Variants in ADGRB3 observed in about 807,000 individuals in gnomAD.
The protein encoded by ADGRB3 is adhesion G protein-coupled receptor B3.
In ADGRB3, 37 loss-of-function variants were observed where a neutral mutation model predicts 193.4. The observed-to-expected ratio is 0.19, with a 90% CI of 0.15 to 0.25. The LOEUF is 0.25. Among genes scored for constraint, ADGRB3 ranks in the 10% least tolerant of loss-of-function variants. The pLI is 1.00. For synonymous variants in ADGRB3, 690 were observed against 644.2 expected (o/e 1.07, Z -1.08); for missense variants, 1,637 against 1,852.9 (o/e 0.88, Z 2.14).
intron 3 of ADGRB3, among the ~76,000 whole-genome samples, chr6:68,862,517 A>G (rs1264748636): frequency 6.6e-6 from 1 of 152,202 alleles, no homozygotes; most frequent in Non-Finnish European, 1.5e-5. Flanking sequence ...TTTGTGAAGA[A>G]GGTACTATAT....
chr6:68,975,165 T>G, intron 9 of ADGRB3, 69 bp from the exon 10 acceptor site: 1 of 1,266,276 alleles, frequency 7.9e-7, no homozygotes, highest in Non-Finnish European at 1.1e-6. Flanking sequence ...TTAGCCTGAT[T>G]CCCAGCTAAG....
At chr6:69,061,096 G>C (rs1019761283) in intron 15 of ADGRB3, among the ~76,000 whole-genome samples, 6 of 150,568 alleles carry the variant, frequency 4.0e-5, no homozygotes, top group Non-Finnish European at 7.4e-5. Context: ...CTGTTAACCA[G>C]CTCTCTCTGT....
At chr6:68,918,425 A>G (rs1160508432) in intron 3 of ADGRB3, among the ~76,000 whole-genome samples, 1 of 152,194 alleles carries the variant, frequency 6.6e-6, no homozygotes. Flanking sequence ...AAAATACAAA[A>G]TCACTGGAAG....
intron 28 of ADGRB3, 130 bp from the exon 29 acceptor site, chr6:69,360,739 T>A: frequency 4.2e-6 from 4 of 952,680 alleles, no homozygotes; most frequent in African/African-American, 1.7e-5. Context: ...TGATATGTAT[T>A]TTTTTTAAAT....
chr6:69,150,547 T>G (rs765403454), intron 17 of ADGRB3, among the ~76,000 whole-genome samples: 12 of 152,136 alleles, frequency 7.9e-5, no homozygotes, highest in Non-Finnish European at 1.8e-4. Flanking sequence ...TAAATTCCAT[T>G]CAAGAGCCAA....
At chr6:68,654,765 T>C (rs923724332) in intron 3 of ADGRB3, among the ~76,000 whole-genome samples, 7 of 151,944 alleles carry the variant, frequency 4.6e-5, no homozygotes, top group Non-Finnish European at 1.0e-4. Flanking sequence ...GGGTGATTTA[T>C]GAGATCATAG....
At chr6:68,830,277 A>G (rs190691502) in intron 3 of ADGRB3, among the ~76,000 whole-genome samples, 103 of 152,300 alleles carry the variant, frequency 6.8e-4, no homozygotes, top group African/African-American at 2.4e-3. Flanking sequence ...AAAATGCTAG[A>G]TCAAGGGGAA....
intron 3 of ADGRB3, among the ~76,000 whole-genome samples, chr6:68,714,616 A>C (rs1040594938): frequency 6.6e-6 from 1 of 151,866 alleles, no homozygotes; most frequent in Non-Finnish European, 1.5e-5. Flanking sequence ...AAAGGGAAAA[A>C]TACTGAAGGG....
At chr6:69,041,623 AT>A (rs10638407) in intron 13 of ADGRB3, among the ~76,000 whole-genome samples, 15 of 150,928 alleles carry the variant, frequency 9.9e-5, no homozygotes, top group African/African-American at 2.9e-4. Flanking sequence ...GCTCGTAGGA[AT>A]TTTTTTTTTG....
chr6:68,897,598 AGGGCAGG>A, intron 3 of ADGRB3, among the ~76,000 whole-genome samples: 1 of 88,542 alleles, frequency 1.1e-5, no homozygotes, highest in Non-Finnish European at 2.2e-5. Context: ...GGGATAGGGG[AGGGCAGG>A]AAGAGGAAGG....
At chr6:69,356,732 A>G (rs1316579679) in intron 28 of ADGRB3, among the ~76,000 whole-genome samples, 2 of 152,102 alleles carry the variant, frequency 1.3e-5, no homozygotes, top group African/African-American at 4.8e-5. Context: ...TATGTGTATT[A>G]AGGTTGTTGT....
At chr6:69,031,413 C>T (rs2150293506) in intron 13 of ADGRB3, among the ~76,000 whole-genome samples, 1 of 146,962 alleles carries the variant, frequency 6.8e-6, no homozygotes, top group South Asian at 2.2e-4. Context: ...TGCACTCCAG[C>T]CTGGGCGACA....
At chr6:69,038,057 G>A (rs1464500021) in intron 13 of ADGRB3, among the ~76,000 whole-genome samples, 2 of 152,160 alleles carry the variant, frequency 1.3e-5, no homozygotes, top group African/African-American at 2.4e-5. Context: ...AAGGAATACT[G>A]TAGGGGCTCA....
At chr6:69,142,465 C>T (rs1774366566) in intron 17 of ADGRB3, among the ~76,000 whole-genome samples, 1 of 152,196 alleles carries the variant, frequency 6.6e-6, no homozygotes, top group Non-Finnish European at 1.5e-5. Flanking sequence ...AAGTTGAAAG[C>T]ATGAGGTCTT....
intron 20 of ADGRB3, among the ~76,000 whole-genome samples, chr6:69,241,023 T>C (rs562070326): frequency 1.3e-5 from 2 of 149,112 alleles, no homozygotes; most frequent in African/African-American, 4.9e-5. Flanking sequence ...TCTTGAGTTA[T>C]ACCTCCCCTT....
At chr6:68,708,225 T>C (rs1342371963) in intron 3 of ADGRB3, among the ~76,000 whole-genome samples, 1 of 152,202 alleles carries the variant, frequency 6.6e-6, no homozygotes, top group Non-Finnish European at 1.5e-5. Flanking sequence ...AATAAAATTA[T>C]ATTGTAGTGA....
chr6:69,372,900 C>A (rs1316963574), intron 30 of ADGRB3, among the ~76,000 whole-genome samples: 1 of 151,856 alleles, frequency 6.6e-6, no homozygotes, highest in African/African-American at 2.4e-5. Flanking sequence ...TATTTAGGTT[C>A]TCTGCGGTAC....
chr6:68,930,335 T>C (rs1255986591), intron 3 of ADGRB3, among the ~76,000 whole-genome samples: 1 of 152,094 alleles, frequency 6.6e-6, no homozygotes, highest in Non-Finnish European at 1.5e-5. Flanking sequence ...AAATCTGTTG[T>C]GTCATTTTAT....
rs544965878 is a variant in ADGRB3, at chr6:68,727,187, A to T, written c.757+87755A>T. 2.6e-5 allele frequency among the ~76,000 whole-genome samples: 4 copies of T among 151,660 alleles called. No individual in the cohort carries two copies. In the East Asian group the frequency reaches 5.8e-4, roughly 22 times the overall value. On this transcript the variant is annotated intron_variant, in intron 3 of 31. Coordinates refer to ENST00000370598, the MANE Select transcript of ADGRB3 (RefSeq NM_001704.3). ...CAGTGTTAGTAGCTTTGTGGAGCAAAGTTTTCAAAGTATTGATTTATTCTG... is the reference window on the plus strand; with the variant it reads ...CAGTGTTAGTAGCTTTGTGGAGCAATGTTTTCAAAGTATTGATTTATTCTG...
Sources: allele counts gnomAD v4.1 joint callset (sites outside exome capture counted in the v4.1 genomes callset), GRCh38; gene constraint gnomAD v4.1.1; transcripts MANE v1.5; gene names NCBI Gene and HGNC (gene_info 2026-07-23, HGNC 2026-07-21).